CSMD1: variants seen among roughly 807,000 people sequenced by gnomAD.
The protein encoded by CSMD1 is CUB and Sushi multiple domains 1, also known as CUB and sushi domain-containing protein 1.
A neutral mutation model predicts 417.5 loss-of-function variants in CSMD1; 213 were observed. The ratio of observed to expected loss-of-function variants is 0.51; its 90% CI spans 0.46 to 0.57. The LOEUF is 0.57. CSMD1 is among the 20% of genes least tolerant of loss of function. CSMD1 has a pLI of 0.00. For missense variants in CSMD1, 6,923 were observed against 4,529.7 expected, an observed-to-expected ratio of 1.53 and a Z score of -15.17; for synonymous variants, 2,862 against 1,736.8, an observed-to-expected ratio of 1.65 and a Z score of -16.11.
intron 3 of CSMD1, among the ~76,000 whole-genome samples, chr8:4,406,704 C>G (rs1156302498): frequency 2.6e-5 from 4 of 152,176 alleles, no homozygotes; most frequent in Non-Finnish European, 1.5e-5. Flanking sequence ...AAACTTTCAA[C>G]AAGCTTGTGA....
chr8:3,378,955 T>C (rs561914717), intron 18 of CSMD1, among the ~76,000 whole-genome samples: 4 of 152,206 alleles, frequency 2.6e-5, no homozygotes, highest in Non-Finnish European at 5.9e-5. Flanking sequence ...TGAAGTCAAA[T>C]TGTCTCTGTT....
chr8:2,955,227 T>G (rs748790832), intron 64 of CSMD1, among the ~76,000 whole-genome samples: 10 of 152,268 alleles, frequency 6.6e-5, no homozygotes, highest in Non-Finnish European at 1.2e-4. Context: ...TTATTCATTT[T>G]CATCTCTAAG....
intron 12 of CSMD1, among the ~76,000 whole-genome samples, chr8:3,440,435 G>C (rs1234832962): frequency 6.6e-6 from 1 of 152,114 alleles, no homozygotes; most frequent in Non-Finnish European, 1.5e-5. Flanking sequence ...AAGAAATTGG[G>C]TGTTCACGTG....
At chr8:4,791,069 G>A (rs891871872) in intron 1 of CSMD1, among the ~76,000 whole-genome samples, 13 of 118,378 alleles carry the variant, frequency 1.1e-4, no homozygotes, top group African/African-American at 2.7e-4. Flanking sequence ...GGAGAGAGAC[G>A]GTGAGAGAGA....
intron 12 of CSMD1, among the ~76,000 whole-genome samples, chr8:3,457,432 G>A (rs529253615): frequency 2.6e-5 from 4 of 152,308 alleles, no homozygotes; most frequent in African/African-American, 7.2e-5. Context: ...CAAGAGAAAA[G>A]CAGAAGAAAC....
chr8:4,678,902 T>C (rs534860317), intron 1 of CSMD1, among the ~76,000 whole-genome samples: 2 of 152,274 alleles, frequency 1.3e-5, no homozygotes, highest in South Asian at 2.1e-4. Flanking sequence ...ACAGTAATAT[T>C]TGACAAACAA....
At chr8:4,032,685 G>A (rs879486299) in intron 3 of CSMD1, among the ~76,000 whole-genome samples, 1 of 152,134 alleles carries the variant, frequency 6.6e-6, no homozygotes, top group Non-Finnish European at 1.5e-5. Flanking sequence ...TGTATTCCAG[G>A]CCAGCAGCCA....
chr8:3,218,379 G>A (rs528341757), intron 29 of CSMD1, among the ~76,000 whole-genome samples: 57 of 151,178 alleles, frequency 3.8e-4, no homozygotes, highest in African/African-American at 1.3e-3. Context: ...GGCTAACACT[G>A]TGAAACCCCG....
chr8:2,983,063 G>A (rs183924355), intron 54 of CSMD1, among the ~76,000 whole-genome samples: 99 of 152,256 alleles, frequency 6.5e-4, no homozygotes, highest in Admixed American at 2.2e-3. Flanking sequence ...AGGAAACACC[G>A]TGAACACTTC....
chr8:3,190,805 T>C (rs1796371924), intron 33 of CSMD1, among the ~76,000 whole-genome samples: 1 of 152,230 alleles, frequency 6.6e-6, no homozygotes, highest in Admixed American at 6.5e-5. Context: ...CTGCTATTTG[T>C]AATAACACGG....
intron 15 of CSMD1, among the ~76,000 whole-genome samples, chr8:3,400,193 C>G (rs1240539703): frequency 1.3e-5 from 2 of 152,140 alleles, no homozygotes; most frequent in African/African-American, 4.8e-5. Flanking sequence ...CCTGTATCAT[C>G]TAAAGGAATT....
chr8:3,026,621 G>A (rs996382175), intron 51 of CSMD1, among the ~76,000 whole-genome samples: 14 of 152,046 alleles, frequency 9.2e-5, no homozygotes, highest in African/African-American at 2.2e-4. Flanking sequence ...GGACCTCACC[G>A]GGCCTCCAGC....
intron 2 of CSMD1, among the ~76,000 whole-genome samples, chr8:4,605,849 C>A (rs923125416): frequency 6.6e-6 from 1 of 152,092 alleles, no homozygotes; most frequent in African/African-American, 2.4e-5. Context: ...GTTCTAATTG[C>A]CGTGTCAAAT....
intron 2 of CSMD1, among the ~76,000 whole-genome samples, chr8:4,533,318 C>G (rs1232404484): frequency 6.6e-6 from 1 of 152,150 alleles, no homozygotes; most frequent in African/African-American, 2.4e-5. Flanking sequence ...GACACAAAGC[C>G]AAGGATTATC....
rs759053579 is a variant in CSMD1 at position 3,409,411 on chromosome 8, C to A, written c.1744+12G>T. The A allele has an allele frequency of 1.4e-5, 23 of 1,601,650 alleles. 2 individuals are homozygous for A. Among genetic ancestry groups the A allele is most frequent in the Middle Eastern group, 3.3e-4 (2 of 6,022 alleles). Reference sequence around the variant, plus strand: ...GGACAGGAGGGAGTCCAGGTCAAGGCATAATACTCACATACACAGCTGGGC... The same window carrying A: ...GGACAGGAGGGAGTCCAGGTCAAGGAATAATACTCACATACACAGCTGGGC... On this transcript the variant is annotated intron_variant, in intron 13 of 69. Transcript: ENST00000635120.
chr8:3,313,455 G>A (rs4401884), intron 23 of CSMD1, among the ~76,000 whole-genome samples: 137,570 of 152,240 alleles, frequency 0.9, 62,491 homozygotes, highest in Middle Eastern at 0.96. Flanking sequence ...GGTGAAGGAT[G>A]TGAACAGACA....
chr8:4,085,303 A>C (rs1428937192), intron 3 of CSMD1, among the ~76,000 whole-genome samples: 1 of 152,192 alleles, frequency 6.6e-6, no homozygotes, highest in Non-Finnish European at 1.5e-5. Context: ...TCTAGTTAGG[A>C]AGTTTAATGA....
chr8:3,159,567 T>C (rs184007499), intron 38 of CSMD1, among the ~76,000 whole-genome samples: 1 of 152,324 alleles, frequency 6.6e-6, no homozygotes, highest in Non-Finnish European at 1.5e-5. Flanking sequence ...GATGCATCTG[T>C]TGTTCCAAAT....
At chr8:4,912,826 CCTAGA>C (rs978272969) in intron 1 of CSMD1, among the ~76,000 whole-genome samples, 74 of 152,046 alleles carry the variant, frequency 4.9e-4, no homozygotes, top group African/African-American at 1.7e-3. Context: ...TGCTCTGTCT[CCTAGA>C]CTAGAGTGCA....
Sources: gnomAD v4.1 joint callset for allele counts (sites outside exome capture counted in the v4.1 genomes callset) on GRCh38, gnomAD v4.1.1 for gene constraint, MANE v1.5 for transcripts, NCBI Gene and HGNC (gene_info 2026-07-23, HGNC 2026-07-21) for gene names.